ADGRL3: variants seen among roughly 807,000 people sequenced by gnomAD.
The protein encoded by ADGRL3 is calcium-independent alpha-latrotoxin receptor 3.
In ADGRL3, 62 loss-of-function variants were observed where a neutral mutation model predicts 153.5. The observed-to-expected ratio is 0.40, with a 90% CI of 0.33 to 0.50. ADGRL3 has a LOEUF of 0.50. ADGRL3 is among the 20% of genes least tolerant of loss of function. The pLI, the probability that ADGRL3 is intolerant of heterozygous loss-of-function variation, is 0.47. For missense variants in ADGRL3, 1,641 were observed against 1,859.4 expected, an observed-to-expected ratio of 0.88 and a Z score of 2.16; for synonymous variants, 710 against 672.5, an observed-to-expected ratio of 1.06 and a Z score of -0.86.
chr4:61,864,172 A>T (rs1201996313), intron 9 of ADGRL3, among the ~76,000 whole-genome samples: 3 of 152,202 alleles, frequency 2.0e-5, no homozygotes, highest in Non-Finnish European at 4.4e-5. Context: ...AAAACTTCTT[A>T]GTTTTAAAAG....
At chr4:61,831,540 C>A (rs1581045319) in intron 9 of ADGRL3, among the ~76,000 whole-genome samples, 1 of 149,090 alleles carries the variant, frequency 6.7e-6, no homozygotes, top group Non-Finnish European at 1.5e-5. Context: ...TGAAAGAATG[C>A]AATTTCAAGG....
At chr4:61,708,352 T>TTTTATATTA (rs1251989695) in intron 6 of ADGRL3, among the ~76,000 whole-genome samples, 1 of 152,134 alleles carries the variant, frequency 6.6e-6, no homozygotes, top group East Asian at 1.9e-4. Context: ...TTTTTTGGTT[T>TTTTATATTA]TTGTGTTTTT....
At chr4:61,916,669 T>A (rs2098746495) in intron 13 of ADGRL3, among the ~76,000 whole-genome samples, 1 of 152,286 alleles carries the variant, frequency 6.6e-6, no homozygotes, top group East Asian at 1.9e-4. Flanking sequence ...AACAGTGATT[T>A]GTTATTAAGA....
intron 5 of ADGRL3, among the ~76,000 whole-genome samples, chr4:61,636,658 G>T (rs924409200): frequency 6.6e-6 from 1 of 151,782 alleles, no homozygotes; most frequent in Non-Finnish European, 1.5e-5. Flanking sequence ...TGATCTTTGA[G>T]TTGAAGAACA....
intron 25 of ADGRL3, 34 bp downstream of exon 25, chr4:62,044,583 T>C: frequency 5.8e-6 from 8 of 1,376,436 alleles, no homozygotes; most frequent in Non-Finnish European, 8.1e-6. Context: ...TTTATTACTT[T>C]TCTGATTACT....
intron 5 of ADGRL3, among the ~76,000 whole-genome samples, chr4:61,644,391 A>T (rs1345601904): frequency 3.9e-5 from 6 of 151,922 alleles, no homozygotes; most frequent in Non-Finnish European, 7.4e-5. Context: ...TAGGGTGTCA[A>T]TTTTAGATCT....
chr4:61,407,033 T>C (rs189374153), intron 2 of ADGRL3, among the ~76,000 whole-genome samples: 1 of 152,212 alleles, frequency 6.6e-6, no homozygotes, highest in Admixed American at 6.6e-5. Flanking sequence ...ATAGGTCTTA[T>C]TGCATTCCTA....
intron 1 of ADGRL3, among the ~76,000 whole-genome samples, chr4:61,251,483 T>C (rs1759242822): frequency 6.6e-6 from 1 of 152,196 alleles, no homozygotes; most frequent in Non-Finnish European, 1.5e-5. Context: ...ATTCTATTAG[T>C]TGAAGAATTC....
chr4:62,054,762 T>G (rs546669243), intron 25 of ADGRL3, among the ~76,000 whole-genome samples: 6 of 151,706 alleles, frequency 4.0e-5, no homozygotes, highest in Admixed American at 2.0e-4. Context: ...ATAAAGAATG[T>G]CTACAAATTA....
chr4:61,449,147 T>C (rs2097642496), intron 2 of ADGRL3, among the ~76,000 whole-genome samples: 1 of 152,058 alleles, frequency 6.6e-6, no homozygotes, highest in East Asian at 1.9e-4. Flanking sequence ...TTAATTAATT[T>C]ATTTTTTGAG....
intron 13 of ADGRL3, among the ~76,000 whole-genome samples, chr4:61,924,092 GC>G (rs1280521179): frequency 6.6e-6 from 1 of 151,900 alleles, no homozygotes; most frequent in Non-Finnish European, 1.5e-5. Context: ...CACCGAAACT[GC>G]CCTTTTTGAG....
In ADGRL3 at chr4:61,733,457, T is replaced by A; in HGVS notation, c.1302T>A (p.Ala434=). 1 of 1,613,638 alleles carries A rather than the reference T, an allele frequency of 6.2e-7. No individual in the cohort carries two copies. Among genetic ancestry groups the A allele is most frequent in the Non-Finnish European group, 8.5e-7 (1 of 1,179,696 alleles). ...PFPNSYQYIA[A]VDYNPRDNLL... ...CTAATTCATACCAGTACATTGCAGC[T>A]GTGGATTACAACCCCAGGGACAACC... Residue 434 remains alanine (A), a synonymous_variant, in exon 8 of 27, where the codon GCT becomes GCA. Transcript: ENST00000683033.
intron 24 of ADGRL3, among the ~76,000 whole-genome samples, chr4:62,039,457 C>G (rs1170207131): frequency 6.6e-6 from 1 of 152,092 alleles, no homozygotes; most frequent in East Asian, 1.9e-4. Flanking sequence ...TCAAAAATAT[C>G]AGGCTATGTT....
chr4:61,652,765 G>A (rs995290138), intron 5 of ADGRL3, among the ~76,000 whole-genome samples: 2 of 152,002 alleles, frequency 1.3e-5, no homozygotes, highest in African/African-American at 4.8e-5. Context: ...TTTTCCCCCT[G>A]TAAGAACAGG....
chr4:61,857,006 T>TTCTTTCTTTCTC (rs796589157), intron 9 of ADGRL3, among the ~76,000 whole-genome samples: 8,727 of 112,646 alleles, frequency 0.077, 894 homozygotes, highest in Middle Eastern at 0.12. Context: ...CTTTCTTTCT[T>TTCTTTCTTTCTC]TCTTTCTTTC....
chr4:61,970,702 T>G (rs1355454849), intron 17 of ADGRL3, among the ~76,000 whole-genome samples: 1 of 152,204 alleles, frequency 6.6e-6, no homozygotes, highest in African/African-American at 2.4e-5. Context: ...GATACAAACT[T>G]GAATGTTGTT....
intron 25 of ADGRL3, among the ~76,000 whole-genome samples, chr4:62,065,356 A>T (rs1360714192): frequency 6.6e-6 from 1 of 151,984 alleles, no homozygotes; most frequent in Non-Finnish European, 1.5e-5. Flanking sequence ...TCCCTATTTC[A>T]TTGTAGCACT....
intron 4 of ADGRL3, among the ~76,000 whole-genome samples, chr4:61,537,091 C>G (rs748398026): frequency 1.9e-4 from 29 of 151,142 alleles, no homozygotes; most frequent in Admixed American, 3.3e-4. Flanking sequence ...GAAGAATTCT[C>G]TTAACATTTG....
intron 1 of ADGRL3, among the ~76,000 whole-genome samples, chr4:61,350,382 T>C (rs975610161): frequency 2.2e-5 from 3 of 138,874 alleles, no homozygotes; most frequent in Admixed American, 7.8e-5. Flanking sequence ...GAAATGTACA[T>C]CTTGATAATA....
Sources: allele counts gnomAD v4.1 joint callset (sites outside exome capture counted in the v4.1 genomes callset), GRCh38; gene constraint gnomAD v4.1.1; transcripts MANE v1.5; gene names NCBI Gene and HGNC (gene_info 2026-07-23, HGNC 2026-07-21).